ZFHX3: variants seen among roughly 807,000 people sequenced by gnomAD.
ZFHX3 encodes the protein zinc finger homeobox protein 3.
Under a neutral mutation model 279.1 loss-of-function variants are expected in ZFHX3, and 42 were observed. That is an observed-to-expected ratio of 0.15 (90% confidence interval 0.12 to 0.19). The LOEUF (loss-of-function observed/expected upper bound fraction) is 0.19. Among genes scored for constraint, ZFHX3 ranks in the 10% least tolerant of loss-of-function variants. The pLI is 1.00. For synonymous variants in ZFHX3, 2,293 were observed against 1,957.8 expected, an observed-to-expected ratio of 1.17 and a Z score of -4.52; for missense variants, 4,981 against 4,754.0, an observed-to-expected ratio of 1.05 and a Z score of -1.40.
At chr16:73,417,114 C>T (rs1050765282) in intron 3 of ZFHX3, among the ~76,000 whole-genome samples, 1 of 151,980 alleles carries the variant, frequency 6.6e-6, no homozygotes. Flanking sequence ...CCAAAACATA[C>T]GCATGTCTTC....
intron 1 of ZFHX3, among the ~76,000 whole-genome samples, chr16:73,002,412 G>A (rs771191212): frequency 4.6e-5 from 7 of 152,050 alleles, no homozygotes; most frequent in South Asian, 2.1e-4. Flanking sequence ...AGATCAGAGC[G>A]TCTTCTCCTT....
At chr16:73,123,969 C>A (rs905255004) in intron 7 of ZFHX3, among the ~76,000 whole-genome samples, 4 of 152,100 alleles carry the variant, frequency 2.6e-5, no homozygotes, top group African/African-American at 9.7e-5. Flanking sequence ...AAATACATTT[C>A]TATTGTTTAT....
intron 4 of ZFHX3, among the ~76,000 whole-genome samples, chr16:72,875,470 T>C (rs928789840): frequency 6.6e-6 from 1 of 152,234 alleles, no homozygotes; most frequent in African/African-American, 2.4e-5. Flanking sequence ...TGTGACTATC[T>C]ACACAGCCTG....
chr16:73,805,952 C>T (rs1171397624), intron 1 of ZFHX3, among the ~76,000 whole-genome samples: 1 of 152,092 alleles, frequency 6.6e-6, no homozygotes, highest in Non-Finnish European at 1.5e-5. Context: ...AAGACAACTG[C>T]GACTGGGTAA....
rs143655936 is a variant in ZFHX3, at chr16:73,885,034, T to C, written c.-1608+6617A>G. ...TAAATTTTAATAATAAACAGAGACATCCCCTTTCTTTCCCCCCACCCAGAC... is the reference window on the plus strand; with the variant it reads ...TAAATTTTAATAATAAACAGAGACACCCCCTTTCTTTCCCCCCACCCAGAC... On this transcript the variant is annotated intron_variant, in intron 1 of 17. Coordinates refer to the ZFHX3 transcript ENST00000641206. Among the ~76,000 whole-genome samples the C allele has an allele frequency of 1.2e-4, 19 of 152,260 alleles. No individual in the cohort carries two copies. In the East Asian group the frequency reaches 3.3e-3, roughly 26 times the overall value.
chr16:73,008,368 C>T (rs1444388177), intron 1 of ZFHX3, among the ~76,000 whole-genome samples: 1 of 152,116 alleles, frequency 6.6e-6, no homozygotes, highest in Non-Finnish European at 1.5e-5. Context: ...AACTGGATTT[C>T]ATTAACATGT....
At chr16:72,992,657 C>T (rs1024990491) in intron 1 of ZFHX3, among the ~76,000 whole-genome samples, 2 of 152,108 alleles carry the variant, frequency 1.3e-5, no homozygotes, top group African/African-American at 2.4e-5. Context: ...TAAAGTGGCA[C>T]CCATGTAAAG....
intron 4 of ZFHX3, among the ~76,000 whole-genome samples, chr16:73,259,360 C>G (rs192420343): frequency 6.6e-6 from 1 of 152,210 alleles, no homozygotes; most frequent in East Asian, 1.9e-4. Context: ...TATTTTCAAA[C>G]TTTATAATGT....
At chr16:72,983,534 C>T (rs1962703093) in intron 1 of ZFHX3, among the ~76,000 whole-genome samples, 4 of 152,128 alleles carry the variant, frequency 2.6e-5, no homozygotes, top group Admixed American at 2.6e-4. Flanking sequence ...TAGTAAGACC[C>T]CCATCTCTAC....
intron 8 of ZFHX3, among the ~76,000 whole-genome samples, chr16:73,079,125 C>T (rs1003105275): frequency 2.0e-5 from 3 of 152,116 alleles, no homozygotes; most frequent in African/African-American, 7.2e-5. Context: ...GGAGTCCAAC[C>T]CGACCAGGTC....
chr16:73,804,149 C>A (rs1960210257), intron 1 of ZFHX3, among the ~76,000 whole-genome samples: 1 of 152,088 alleles, frequency 6.6e-6, no homozygotes, highest in African/African-American at 2.4e-5. Flanking sequence ...AGAGCAGACC[C>A]TGTCTCAAAA....
intron 3 of ZFHX3, among the ~76,000 whole-genome samples, chr16:73,416,769 G>C: frequency 6.8e-6 from 1 of 146,038 alleles, no homozygotes. Flanking sequence ...AGCTACCAGG[G>C]AGGCTGAAGC....
intron 3 of ZFHX3, among the ~76,000 whole-genome samples, chr16:73,423,492 G>A (rs751293379): frequency 7.9e-5 from 12 of 152,144 alleles, no homozygotes; most frequent in Non-Finnish European, 1.5e-4. Flanking sequence ...TGTCAGTGAT[G>A]CGTTTAGGTC....
intron 3 of ZFHX3, among the ~76,000 whole-genome samples, chr16:73,340,649 T>C (rs1216987474): frequency 6.6e-6 from 1 of 152,220 alleles, no homozygotes; most frequent in Non-Finnish European, 1.5e-5. Context: ...GTGCTGGGAT[T>C]ATAGGCGTGA....
intron 1 of ZFHX3, among the ~76,000 whole-genome samples, chr16:72,983,716 AAAAGAG>A (rs1488143888): frequency 1.3e-5 from 2 of 148,818 alleles, no homozygotes; most frequent in Non-Finnish European, 3.0e-5. Context: ...CAGAAAAAAA[AAAAGAG>A]AGAGAGAGAG....
intron 2 of ZFHX3, among the ~76,000 whole-genome samples, chr16:73,640,875 A>G (rs991846361): frequency 6.6e-6 from 1 of 152,150 alleles, no homozygotes; most frequent in Non-Finnish European, 1.5e-5. Context: ...ACGCAAACAG[A>G]CCCACATGAA....
chr16:73,327,263 T>A (rs564989432), intron 3 of ZFHX3, among the ~76,000 whole-genome samples: 2 of 152,332 alleles, frequency 1.3e-5, no homozygotes, highest in African/African-American at 4.8e-5. Flanking sequence ...TGAGCTGATT[T>A]TAACTATGCT....
chr16:73,857,011 A>T (rs328312), intron 1 of ZFHX3, among the ~76,000 whole-genome samples: 73,631 of 152,056 alleles, frequency 0.48, 18,154 homozygotes, highest in African/African-American at 0.58. Flanking sequence ...AGACAAACAG[A>T]GTGCCGAGGT....
At chr16:73,593,300 C>G (rs1012411598) in intron 2 of ZFHX3, among the ~76,000 whole-genome samples, 1 of 151,856 alleles carries the variant, frequency 6.6e-6, no homozygotes, top group Non-Finnish European at 1.5e-5. Context: ...GATGTCAAAC[C>G]CTGACAAGTA....
Sources: allele counts gnomAD v4.1 joint callset (sites outside exome capture counted in the v4.1 genomes callset), GRCh38; gene constraint gnomAD v4.1.1; transcripts MANE v1.5; gene names NCBI Gene and HGNC (gene_info 2026-07-23, HGNC 2026-07-21).